Variants in SOCS4 observed in about 807,000 individuals in gnomAD.
The protein encoded by SOCS4 is SH2 domain containing SOCS box protein.
SOCS4 carries 20 observed loss-of-function variants against 34.1 expected under a neutral mutation model. The observed-to-expected ratio is 0.59, with a 90% CI of 0.41 to 0.85. The LOEUF is 0.85. SOCS4 is among the 40% of genes least tolerant of loss of function. SOCS4 has a pLI of 0.00. For synonymous variants in SOCS4, 180 were observed against 186.4 expected, an observed-to-expected ratio of 0.97 and a Z score of 0.28; for missense variants, 479 against 532.4, an observed-to-expected ratio of 0.90 and a Z score of 0.99.
At position 55,040,727 on chromosome 14, in the gene SOCS4, G is replaced by T. The variant is rs986889828; in HGVS notation, c.-90-2225G>T. The stretch of plus-strand genomic sequence containing the variant: ...CCACTGCACTCCAGCCTGGGCGACA[G>T]AGCGAGACTCCATCTCAAAAAAAAA... On this transcript the variant is annotated intron_variant, in intron 2 of 2. Coordinates refer to ENST00000555846, the MANE Select transcript of SOCS4 (RefSeq NM_199421.2). Among the ~76,000 whole-genome samples, 33 of 151,836 alleles carry T rather than the reference G, an allele frequency of 2.2e-4. 1 individual carries two copies. The highest frequency in any genetic ancestry group is 3.4e-4 in the Non-Finnish European group (23 of 67,984).
intron 2 of SOCS4, among the ~76,000 whole-genome samples, chr14:55,038,021 A>C (rs1351079057): frequency 6.6e-6 from 1 of 152,186 alleles, no homozygotes; most frequent in Non-Finnish European, 1.5e-5. Flanking sequence ...AAGCAAAGAG[A>C]TTTAATTGAC....
In SOCS4 at chr14:55,027,316, G is replaced by T. The variant is rs921117461; in HGVS notation, c.-375G>T. On this transcript the variant is annotated 5_prime_UTR_variant, in exon 1 of 3. Coordinates refer to ENST00000555846, the MANE Select transcript of SOCS4 (RefSeq NM_199421.2). ...GGTTGGGACCGGAACGCCGAAGCGG[G>T]GTTGGGGGTGGCAGAAAAGCATCTG... The T allele has an allele frequency of 1.1e-5, 2 of 188,102 alleles. No individual in the cohort carries two copies. The highest frequency in any genetic ancestry group is 2.4e-5 in the African/African-American group (1 of 42,382). 11.7% of individuals were successfully genotyped at this position (188,102 alleles called of 1,614,324 possible).
chr14:55,043,119 A>G lies in SOCS4; in HGVS notation c.78A>G (p.Arg26=). The change falls in exon 3 of 3, where the codon AGA becomes AGG. Residue 26 remains arginine (R), a synonymous_variant. Transcript: ENST00000555846. ...PKTSRSRSAD[R]KDGYVWSGKK... ...CTAGTCGGAGCAGAAGTGCCGACAG[A>G]AAAGACGGTTATGTGTGGAGTGGAA... is the stretch of plus-strand genomic sequence containing the variant. 1 of 1,614,238 alleles carries G rather than the reference A, an allele frequency of 6.2e-7. No individual in the cohort carries two copies. The highest frequency in any genetic ancestry group is 8.5e-7 in the Non-Finnish European group (1 of 1,180,036).
At chr14:55,031,550 T>A (rs2042528993) in intron 1 of SOCS4, among the ~76,000 whole-genome samples, 1 of 152,200 alleles carries the variant, frequency 6.6e-6, no homozygotes, top group African/African-American at 2.4e-5. Context: ...TTAACATCTT[T>A]CAGAACTAGT....
chr14:55,043,905 G>T lies in SOCS4; in HGVS notation c.864G>T (p.Trp288Cys). The change falls in exon 3 of 3, where the codon TGG becomes TGT. Residue 288 changes from tryptophan to cysteine, a missense_variant. Coordinates refer to ENST00000555846, the MANE Select transcript of SOCS4 (RefSeq NM_199421.2). Reference sequence around the variant, plus strand: ...AGATCAATAACAACCCATGTTACTGGGGAGTGATGGATAAATACGCAGCCG... The same window carrying T: ...AGATCAATAACAACCCATGTTACTGTGGAGTGATGGATAAATACGCAGCCG... Reference protein sequence around the residue: ...LLQINNNPCYWGVMDKYAAEA... With the variant: ...LLQINNNPCYCGVMDKYAAEA... The T allele has an allele frequency of 6.2e-7, 1 of 1,614,128 alleles. No homozygotes were observed. Among genetic ancestry groups the T allele is most frequent in the Non-Finnish European group, 8.5e-7 (1 of 1,180,012 alleles).
intron 2 of SOCS4, among the ~76,000 whole-genome samples, chr14:55,036,588 C>T (rs2042574230): frequency 6.6e-6 from 1 of 152,118 alleles, no homozygotes. Context: ...AGGTGATCCA[C>T]CCGTCTCGGC....
rs2042695651 is a variant in SOCS4, at chr14:55,048,395, A to G, written c.*4031A>G. ...AAGGAAAACAATGTTTAAAAGCAAA[A>G]TAGCCTGTGTAATGTTAGGTAATGT... On this transcript the variant is annotated 3_prime_UTR_variant, in exon 3 of 3. Transcript: ENST00000555846. 6.0e-6 allele frequency: 1 copy of G among 167,106 alleles called. No homozygotes were observed. The highest frequency in any genetic ancestry group is 1.5e-5 in the Non-Finnish European group (1 of 68,128). The allele number at this position is 167,106 out of a possible 1,614,324, so 10.4% of individuals were successfully genotyped here.
intron 2 of SOCS4, among the ~76,000 whole-genome samples, chr14:55,040,215 T>C (rs1283039956): frequency 6.6e-6 from 1 of 152,236 alleles, no homozygotes; most frequent in Non-Finnish European, 1.5e-5. Context: ...AGAAATACTT[T>C]TCCTTAAAGA....
At chr14:55,027,667 G>C (rs1385119391) in intron 1 of SOCS4, 196 bp downstream of exon 1, 1 of 152,206 alleles carries the variant, frequency 6.6e-6, no homozygotes, top group Non-Finnish European at 1.5e-5. Flanking sequence ...CTCTAATCTT[G>C]GCATCCTTCG....
rs2042473097 is a variant in SOCS4 at position 55,027,463 on chromosome 14, C to A, written c.-228C>A. On this transcript the variant is annotated 5_prime_UTR_variant, in exon 1 of 3. Transcript: ENST00000555846. ...CTCGCACAACCCCAGTTAAGCTGCG[C>A]TCCGGGAGGTGAGTGGGGGAAGGGT... 1 of 153,238 alleles carries A rather than the reference C, an allele frequency of 6.5e-6. No homozygotes were observed. The highest frequency in any genetic ancestry group is 1.5e-5 in the Non-Finnish European group (1 of 68,492). 9.5% of individuals were successfully genotyped at this position (153,238 alleles called of 1,614,324 possible).
Position 55,043,362 on chromosome 14 carries a change from T to A in SOCS4, c.321T>A (p.Asn107Lys). The stretch of plus-strand genomic sequence containing the variant: ...TGGGGCAGTGTTTTCCAATAAAGAA[T>A]TGTAGTAGTCGGCACTCTTCAGGGC... Reference protein sequence around the residue: ...DAVGQCFPIKNCSSRHSSGLP... With the variant: ...DAVGQCFPIKKCSSRHSSGLP... Residue 107 changes from asparagine (N) to lysine (K), a missense_variant, in exon 3 of 3, where the codon AAT becomes AAA. Asn to Lys is a moderately conservative substitution (Grantham distance 94, BLOSUM62 0). Coordinates refer to ENST00000555846, the MANE Select transcript of SOCS4 (RefSeq NM_199421.2). 1 of 1,614,222 alleles carries A rather than the reference T, an allele frequency of 6.2e-7. No homozygotes were observed.
intron 1 of SOCS4, chr14:55,027,810 C>A (rs1267337355): frequency 1.3e-5 from 2 of 152,224 alleles, no homozygotes; most frequent in East Asian, 3.8e-4. Context: ...CTCTATATAT[C>A]CGTTATGAAG....
Position 55,027,306 on chromosome 14 carries a change from G to C in SOCS4, c.-385G>C, listed in dbSNP as rs2042469103. ...GTGACGGCTGGGTTGGGACCGGAAC[G>C]CCGAAGCGGGGTTGGGGGTGGCAGA... is the stretch of plus-strand genomic sequence containing the variant. On this transcript the variant is annotated 5_prime_UTR_variant, in exon 1 of 3. Coordinates refer to ENST00000555846, the MANE Select transcript of SOCS4 (RefSeq NM_199421.2). 1 of 188,106 alleles carries C rather than the reference G, an allele frequency of 5.3e-6. No individual in the cohort carries two copies. The highest frequency in any genetic ancestry group is 1.1e-4 in the South Asian group (1 of 9,428). 11.7% of individuals were successfully genotyped at this position (188,106 alleles called of 1,614,324 possible). A position where few individuals can be genotyped will look rare whatever the true frequency, so the allele number is the denominator to read the frequency against.
At chr14:55,042,625 TA>T (rs2042630539) in intron 2 of SOCS4, among the ~76,000 whole-genome samples, 1 of 152,216 alleles carries the variant, frequency 6.6e-6, no homozygotes, top group Non-Finnish European at 1.5e-5. Flanking sequence ...GAGATGAGCA[TA>T]AGATATACTT....
chr14:55,040,333 T>A (rs957386267), intron 2 of SOCS4, among the ~76,000 whole-genome samples: 11 of 152,384 alleles, frequency 7.2e-5, no homozygotes, highest in African/African-American at 2.6e-4. Context: ...AGTCCATGGA[T>A]GTTCAAATCC....
rs2042706199 is a variant in SOCS4 at position 55,049,438 on chromosome 14, C to G, written c.*5074C>G. ...TGGATGTAAGTTCAAATAAATTGAT[C>G]TGGATAAATTTTCATTTCTACTTAA... On this transcript the variant is annotated 3_prime_UTR_variant, in exon 3 of 3. Coordinates refer to ENST00000555846, the MANE Select transcript of SOCS4 (RefSeq NM_199421.2). The G allele has an allele frequency of 6.0e-6, 1 of 167,036 alleles. No homozygotes were observed. Among genetic ancestry groups the G allele is most frequent in the Non-Finnish European group, 1.5e-5 (1 of 68,108 alleles). The allele number at this position is 167,036 out of a possible 1,614,324, so 10.3% of individuals were successfully genotyped here.
intron 2 of SOCS4, among the ~76,000 whole-genome samples, chr14:55,036,750 C>T (rs1455147231): frequency 6.6e-6 from 1 of 152,050 alleles, no homozygotes; most frequent in East Asian, 1.9e-4. Flanking sequence ...CTTGTCTTTT[C>T]TGTCTAGTTA....
rs1255223358 is a variant in SOCS4 at position 55,048,025 on chromosome 14, A to G, written c.*3661A>G. Reference sequence around the variant, plus strand: ...CAACCTCTGCCTTCCAGGTTCCAGCAATTCTCCTACCTCAGCTCCCAAGTA... The same window carrying G: ...CAACCTCTGCCTTCCAGGTTCCAGCGATTCTCCTACCTCAGCTCCCAAGTA... On this transcript the variant is annotated 3_prime_UTR_variant, in exon 3 of 3. Coordinates refer to ENST00000555846, the MANE Select transcript of SOCS4 (RefSeq NM_199421.2). 6.1e-6 allele frequency: 1 copy of G among 164,226 alleles called. No homozygotes were observed. Among genetic ancestry groups the G allele is most frequent in the African/African-American group, 2.4e-5 (1 of 41,448 alleles). The allele number at this position is 164,226 out of a possible 1,614,324, so 10.2% of individuals were successfully genotyped here.
rs533791130 is a variant in SOCS4 at position 55,044,409 on chromosome 14, T to G, written c.*45T>G. On this transcript the variant is annotated 3_prime_UTR_variant, in exon 3 of 3. Coordinates refer to ENST00000555846, the MANE Select transcript of SOCS4 (RefSeq NM_199421.2). ...GAATGATAATATATATTTTTTCTTT[T>G]AATATTTTATTTTTCTTTTTATGCC... 761 of 1,281,194 alleles carry G rather than the reference T, an allele frequency of 5.9e-4. 25 individuals are homozygous for G. In the South Asian group the frequency reaches 0.02, roughly 33 times the overall value. The allele number at this position is 1,281,194 out of a possible 1,614,324, so 79.4% of individuals were successfully genotyped here. A position where few individuals can be genotyped will look rare whatever the true frequency, so the allele number is the denominator to read the frequency against.
Sources: allele counts gnomAD v4.1 joint callset (sites outside exome capture counted in the v4.1 genomes callset), GRCh38; gene constraint gnomAD v4.1.1; transcripts MANE v1.5; gene names NCBI Gene and HGNC (gene_info 2026-07-23, HGNC 2026-07-21).